Variants in VPS13B observed in about 807,000 individuals in gnomAD.
The protein encoded by VPS13B is intermembrane lipid transfer protein VPS13B.
In VPS13B, 285 loss-of-function variants were observed where a neutral mutation model predicts 426.4. The observed-to-expected ratio is 0.67, with a 90% CI of 0.61 to 0.74. The LOEUF is 0.74. Ranked by LOEUF, VPS13B falls within the 30% of genes least tolerant of loss-of-function variation. The pLI is 0.00. For synonymous variants in VPS13B, 1,676 were observed against 1,676.4 expected (o/e 1.00, Z 0.01); for missense variants, 4,537 against 4,782.6 (o/e 0.95, Z 1.51).
intron 2 of VPS13B, among the ~76,000 whole-genome samples, chr8:99,029,167 A>G (rs1284644264): frequency 9.0e-5 from 13 of 143,936 alleles, no homozygotes; most frequent in Admixed American, 9.0e-4. Context: ...TGCTCCCCAC[A>G]TCTCAGACGA....
chr8:99,160,240 C>A (rs1036673420), intron 15 of VPS13B, among the ~76,000 whole-genome samples: 1 of 151,992 alleles, frequency 6.6e-6, no homozygotes, highest in Admixed American at 6.6e-5. Flanking sequence ...CAAACAATAA[C>A]CTCAAATGTT....
intron 20 of VPS13B, among the ~76,000 whole-genome samples, chr8:99,389,280 G>C (rs1026468926): frequency 6.6e-6 from 1 of 152,064 alleles, no homozygotes. Context: ...AAAACTTTGT[G>C]CTTTCATTAG....
At chr8:99,680,271 G>A (rs921061333) in intron 35 of VPS13B, among the ~76,000 whole-genome samples, 1 of 152,156 alleles carries the variant, frequency 6.6e-6, no homozygotes, top group Non-Finnish European at 1.5e-5. Context: ...AATGAGAAAA[G>A]AGCTGGAACA....
chr8:99,339,330 A>T (rs1212360823), intron 19 of VPS13B, among the ~76,000 whole-genome samples: 1 of 151,720 alleles, frequency 6.6e-6, no homozygotes, highest in East Asian at 1.9e-4. Context: ...CATCTGGTTG[A>T]CTTCTAGGGA....
At chr8:99,606,498 CAAA>C (rs370527702) in intron 33 of VPS13B, among the ~76,000 whole-genome samples, 1 of 74,336 alleles carries the variant, frequency 1.3e-5, no homozygotes, top group Non-Finnish European at 2.9e-5. Context: ...GACTCAGTTT[CAAA>C]AAAAAAAAAA....
intron 16 of VPS13B, among the ~76,000 whole-genome samples, chr8:99,174,125 G>A (rs1033032509): frequency 6.6e-6 from 1 of 152,058 alleles, no homozygotes; most frequent in Non-Finnish European, 1.5e-5. Flanking sequence ...AGATTAATCC[G>A]TGTTGCAGCA....
At chr8:99,027,352 C>T (rs150295365) in intron 2 of VPS13B, among the ~76,000 whole-genome samples, 29 of 151,584 alleles carry the variant, frequency 1.9e-4, no homozygotes, top group African/African-American at 7.0e-4. Flanking sequence ...ATTCTTCCTT[C>T]CTTACTTTCC....
At chr8:99,107,894 T>C (rs1176186814) in intron 5 of VPS13B, among the ~76,000 whole-genome samples, 1 of 152,200 alleles carries the variant, frequency 6.6e-6, no homozygotes, top group Non-Finnish European at 1.5e-5. Context: ...GGTCTGTTAC[T>C]TGGGTAAATT....
chr8:99,542,435 T>A (rs1823675240), intron 30 of VPS13B, among the ~76,000 whole-genome samples: 1 of 152,186 alleles, frequency 6.6e-6, no homozygotes, highest in Admixed American at 6.5e-5. Flanking sequence ...TATGTTGAGC[T>A]GTGGCAAATA....
chr8:99,119,036 T>C (rs1159591299), intron 7 of VPS13B, among the ~76,000 whole-genome samples: 1 of 152,192 alleles, frequency 6.6e-6, no homozygotes, highest in East Asian at 1.9e-4. Context: ...CTTGCTAACA[T>C]TCAATGGTGT....
At chr8:99,764,690 C>G (rs546186721) in intron 39 of VPS13B, among the ~76,000 whole-genome samples, 1 of 152,098 alleles carries the variant, frequency 6.6e-6, no homozygotes, top group Admixed American at 6.5e-5. Flanking sequence ...GCTGGGATTT[C>G]AGACGTGAGC....
chr8:99,054,747 T>A (rs1843741585), intron 3 of VPS13B, among the ~76,000 whole-genome samples: 1 of 152,218 alleles, frequency 6.6e-6, no homozygotes, highest in Non-Finnish European at 1.5e-5. Flanking sequence ...TATGGAATGA[T>A]TAATTTTATA....
chr8:99,539,653 A>C (rs568216104), intron 30 of VPS13B, among the ~76,000 whole-genome samples: 11 of 152,168 alleles, frequency 7.2e-5, no homozygotes, highest in African/African-American at 2.6e-4. Context: ...CTGGAGGATC[A>C]CTTGAGCCCA....
chr8:99,233,128 C>A, intron 17 of VPS13B: 1 of 1,346,464 alleles, frequency 7.4e-7, no homozygotes, highest in Non-Finnish European at 1.1e-6. Context: ...TTCCCTGATA[C>A]TGCGCTGTGC....
intron 2 of VPS13B, 29 bp downstream of exon 2, chr8:99,013,964 A>C (rs1366364358): frequency 6.2e-7 from 1 of 1,613,834 alleles, no homozygotes; most frequent in Admixed American, 1.7e-5. Context: ...ATTAACTGGA[A>C]ACAGTTTTCA....
At chr8:99,766,456 T>C (rs1811231443) in intron 39 of VPS13B, among the ~76,000 whole-genome samples, 2 of 152,198 alleles carry the variant, frequency 1.3e-5, no homozygotes, top group East Asian at 1.9e-4. Flanking sequence ...TTTAATCTAT[T>C]TGTATGTTAC....
At chr8:99,619,172 C>T (rs1484863528) in intron 33 of VPS13B, among the ~76,000 whole-genome samples, 3 of 152,176 alleles carry the variant, frequency 2.0e-5, no homozygotes, top group African/African-American at 7.2e-5. Flanking sequence ...TCATGCCATT[C>T]CTGAACCAAG....
At chr8:99,248,510 T>C (rs1588172612) in intron 17 of VPS13B, among the ~76,000 whole-genome samples, 1 of 152,102 alleles carries the variant, frequency 6.6e-6, no homozygotes, top group Non-Finnish European at 1.5e-5. Flanking sequence ...AACTGTGAAG[T>C]TGGTTGATGA....
intron 19 of VPS13B, among the ~76,000 whole-genome samples, chr8:99,380,480 C>G (rs1267720268): frequency 6.6e-6 from 1 of 151,908 alleles, no homozygotes; most frequent in African/African-American, 2.4e-5. Context: ...AATCATTGCT[C>G]AACAGTACAC....
Sources: allele counts gnomAD v4.1 joint callset (sites outside exome capture counted in the v4.1 genomes callset), GRCh38; gene constraint gnomAD v4.1.1; transcripts MANE v1.5; gene names NCBI Gene and HGNC (gene_info 2026-07-23, HGNC 2026-07-21).